C17orf114: variants seen among roughly 807,000 people sequenced by gnomAD.
The protein encoded by C17orf114 is chromosome 17 open reading frame 114, also known as uncharacterized protein C17orf114.
At position 4,801,624 on chromosome 17, in the gene C17orf114, A is replaced by C. The variant is rs527244675; in HGVS notation, c.74-169T>G. Among the ~76,000 whole-genome samples the C allele has an allele frequency of 2.6e-5, 4 of 152,268 alleles. No homozygotes were observed. In the South Asian group the frequency reaches 8.3e-4, roughly 32 times the overall value. On this transcript the variant is annotated intron_variant, in intron 1 of 1. Coordinates refer to ENST00000635921, the Ensembl canonical transcript of C17orf114. Reference sequence around the variant, plus strand: ...GAGGGAGAGGGGCTGTTGCAGAGCAAGCAGGACTGGCTCGCACACATGTGA... The same window carrying C: ...GAGGGAGAGGGGCTGTTGCAGAGCACGCAGGACTGGCTCGCACACATGTGA...
chr17:4,804,875 C>T (rs1258419427), upstream of C17orf114, among the ~76,000 whole-genome samples: 3 of 152,038 alleles, frequency 2.0e-5, no homozygotes, highest in African/African-American at 4.8e-5. Flanking sequence ...TGAGCCACCG[C>T]GCCCCGCCTT....
chr17:4,806,164 A>AGT (rs1291420234), upstream of C17orf114, among the ~76,000 whole-genome samples: 20 of 152,242 alleles, frequency 1.3e-4, no homozygotes, highest in Admixed American at 1.3e-4. Flanking sequence ...GGCCAACGCT[A>AGT]AAGACTGACA....
chr17:4,805,014 A>T (rs1438498519), upstream of C17orf114, among the ~76,000 whole-genome samples: 1 of 152,206 alleles, frequency 6.6e-6, no homozygotes, highest in Non-Finnish European at 1.5e-5. Flanking sequence ...ATCAAAATAC[A>T]GGGCATTCTT....
At chr17:4,803,714 C>T (rs1905572979), upstream of C17orf114, among the ~76,000 whole-genome samples, 1 of 151,854 alleles carries the variant, frequency 6.6e-6, no homozygotes, top group South Asian at 2.1e-4. Context: ...GCATGAGACA[C>T]AGCACCCGGC....
upstream of C17orf114, among the ~76,000 whole-genome samples, chr17:4,802,502 A>G (rs902086479): frequency 2.6e-5 from 4 of 152,206 alleles, no homozygotes; most frequent in Non-Finnish European, 5.9e-5. Flanking sequence ...GTACACTCCC[A>G]TTCAGACACC....
intron 1 of C17orf114, among the ~76,000 whole-genome samples, chr17:4,801,658 G>A (rs1905510325): frequency 6.6e-6 from 1 of 152,112 alleles, no homozygotes; most frequent in African/African-American, 2.4e-5. Context: ...GACCTGTGCA[G>A]TTGCATAGGA....
upstream of C17orf114, among the ~76,000 whole-genome samples, chr17:4,803,210 C>T (rs1299028359): frequency 1.3e-5 from 2 of 151,876 alleles, no homozygotes; most frequent in African/African-American, 4.8e-5. Context: ...TGAGCCACCG[C>T]ACCCGGCCTC....
chr17:4,802,273 C>T (rs1277397856), exon 1 of C17orf114: 2 of 399,784 alleles, frequency 5.0e-6, no homozygotes, highest in Admixed American at 8.8e-5. Context: ...CCCCCGCTGC[C>T]TCCGGCACCC....
chr17:4,801,169 T>A (rs1290698849), exon 2 of C17orf114: 1 of 396,776 alleles, frequency 2.5e-6, no homozygotes, highest in Non-Finnish European at 4.4e-6. Context: ...TTAGCAACTA[T>A]GAACACATTT....
exon 1 of C17orf114, chr17:4,802,265 C>G: frequency 2.5e-6 from 1 of 399,880 alleles, no homozygotes; most frequent in African/African-American, 2.1e-5. Flanking sequence ...CTTTCAGTCC[C>G]CCGCTGCCTC....
upstream of C17orf114, among the ~76,000 whole-genome samples, chr17:4,803,416 A>ATT (rs34116712): frequency 0.021 from 1,619 of 75,484 alleles, 111 homozygotes; most frequent in East Asian, 0.049. Context: ...GTTTTTTTTA[A>ATT]TTTTTTTTTT....
chr17:4,805,755 T>C (rs138546164), upstream of C17orf114, among the ~76,000 whole-genome samples: 1,890 of 151,942 alleles, frequency 0.012, 40 homozygotes, highest in African/African-American at 0.043. Context: ...ATCGAGACCA[T>C]CCTGGATAAC....
upstream of C17orf114, among the ~76,000 whole-genome samples, chr17:4,806,514 C>A (rs894366631): frequency 6.6e-6 from 1 of 152,214 alleles, no homozygotes; most frequent in Non-Finnish European, 1.5e-5. Context: ...ACTGCCAATT[C>A]CAGCTGAGCA....
At chr17:4,801,383 G>A (rs11654690) in exon 2 of C17orf114, 35,926 of 398,804 alleles carry the variant, frequency 0.09, 2,069 homozygotes, top group East Asian at 0.25. Flanking sequence ...AGGCCCTGGC[G>A]AGGGTACCCC....
At chr17:4,804,248 A>G (rs1249403837), upstream of C17orf114, among the ~76,000 whole-genome samples, 1 of 143,900 alleles carries the variant, frequency 6.9e-6, no homozygotes, top group African/African-American at 2.6e-5. Context: ...TCTGTTGCCC[A>G]GGCTGGAGTG....
At chr17:4,801,499 C>T (rs1905507011) in intron 1 of C17orf114, 44 bp from the exon 2 acceptor site, 1 of 398,736 alleles carries the variant, frequency 2.5e-6, no homozygotes, top group Non-Finnish European at 4.4e-6. Context: ...CAGGGTTCAC[C>T]TCCTCCCTCA....
chr17:4,802,213 G>A, intron 1 of C17orf114, 34 bp downstream of exon 1: 1 of 399,284 alleles, frequency 2.5e-6, no homozygotes, highest in Non-Finnish European at 4.4e-6. Flanking sequence ...CTGTCTGCCT[G>A]ACAGCCCCGC....
upstream of C17orf114, chr17:4,806,762 A>T (rs879347008): frequency 6.6e-5 from 10 of 151,490 alleles, no homozygotes; most frequent in Non-Finnish European, 1.5e-4. Flanking sequence ...CAGCTCCCGC[A>T]GCGGAGGCGC....
chr17:4,801,972 A>G (rs1487424616), intron 1 of C17orf114, among the ~76,000 whole-genome samples: 4 of 151,836 alleles, frequency 2.6e-5, no homozygotes, highest in Non-Finnish European at 5.9e-5. Context: ...CTCGTGATCT[A>G]CCCACCTTGG....
Sources: allele counts gnomAD v4.1 joint callset (sites outside exome capture counted in the v4.1 genomes callset), GRCh38; gene constraint gnomAD v4.1.1; transcripts MANE v1.5; gene names NCBI Gene and HGNC (gene_info 2026-07-23, HGNC 2026-07-21).